The following STAC variants were observed in gnomAD, a reference collection of about 807,000 sequenced individuals.
The protein encoded by STAC is SH3 and cysteine-rich domain-containing protein.
In STAC, 43 loss-of-function variants were observed where a neutral mutation model predicts 48.8. That is an observed-to-expected ratio of 0.88 (90% confidence interval 0.69 to 1.14). STAC has a LOEUF of 1.14. Among genes scored for constraint, STAC ranks in the 50% most tolerant of loss-of-function variants. The pLI, the probability that STAC is intolerant of heterozygous loss-of-function variation, is 0.00. For synonymous variants in STAC, 193 were observed against 179.5 expected, an observed-to-expected ratio of 1.07 and a Z score of -0.60; for missense variants, 497 against 504.0, an observed-to-expected ratio of 0.99 and a Z score of 0.13.
At chr3:36,418,150 A>C (rs1457089256) in intron 1 of STAC, among the ~76,000 whole-genome samples, 1 of 151,898 alleles carries the variant, frequency 6.6e-6, no homozygotes, top group East Asian at 1.9e-4. Flanking sequence ...ATTTTTCGGT[A>C]TCTCTCCTGA....
intron 8 of STAC, among the ~76,000 whole-genome samples, chr3:36,515,155 G>A (rs1575254790): frequency 6.6e-6 from 1 of 152,190 alleles, no homozygotes; most frequent in East Asian, 1.9e-4. Flanking sequence ...CCTGAGCCTA[G>A]GATAAATGTT....
intron 1 of STAC, among the ~76,000 whole-genome samples, chr3:36,384,573 T>C (rs1699577345): frequency 6.6e-6 from 1 of 152,210 alleles, no homozygotes; most frequent in Non-Finnish European, 1.5e-5. Context: ...TTGGAATAAT[T>C]TCAATAACCA....
At chr3:36,434,704 G>C (rs949251139) in intron 1 of STAC, among the ~76,000 whole-genome samples, 1 of 152,198 alleles carries the variant, frequency 6.6e-6, no homozygotes, top group Admixed American at 6.5e-5. Flanking sequence ...TGGCAGAAAT[G>C]ATCAGGGGCA....
At chr3:36,473,046 T>C (rs1186674334) in intron 2 of STAC, among the ~76,000 whole-genome samples, 1 of 152,218 alleles carries the variant, frequency 6.6e-6, no homozygotes, top group African/African-American at 2.4e-5. Flanking sequence ...TAGTTCCACA[T>C]GGCTGGAGAA....
At chr3:36,485,524 A>G (rs1468064747) in intron 4 of STAC, among the ~76,000 whole-genome samples, 1 of 152,250 alleles carries the variant, frequency 6.6e-6, no homozygotes, top group African/African-American at 2.4e-5. Context: ...CTCAGTGAAT[A>G]TATTATTCTC....
At chr3:36,516,932 C>A (rs186111934) in intron 8 of STAC, among the ~76,000 whole-genome samples, 1 of 152,140 alleles carries the variant, frequency 6.6e-6, no homozygotes, top group Admixed American at 6.6e-5. Flanking sequence ...ATTAACACCA[C>A]CCTAAGGATA....
chr3:36,407,369 A>G (rs1230655420), intron 1 of STAC, among the ~76,000 whole-genome samples: 3 of 152,250 alleles, frequency 2.0e-5, no homozygotes, highest in Admixed American at 1.3e-4. Flanking sequence ...TCTCAGAGGT[A>G]TCATGCTTTA....
chr3:36,446,970 C>A (rs1696525193), intron 2 of STAC, among the ~76,000 whole-genome samples: 1 of 152,112 alleles, frequency 6.6e-6, no homozygotes, highest in Non-Finnish European at 1.5e-5. Context: ...AGGAAAGCAT[C>A]CCTAGAAGTA....
At chr3:36,465,716 T>C (rs1697151228) in intron 2 of STAC, among the ~76,000 whole-genome samples, 1 of 151,964 alleles carries the variant, frequency 6.6e-6, no homozygotes, top group East Asian at 1.9e-4. Flanking sequence ...CCACTCTGAG[T>C]CCCAAAACTG....
intron 10 of STAC, among the ~76,000 whole-genome samples, chr3:36,541,717 C>T (rs533118626): frequency 6.6e-6 from 1 of 152,194 alleles, no homozygotes; most frequent in African/African-American, 2.4e-5. Context: ...TGCCTGTGTC[C>T]CATACTAGGA....
chr3:36,505,610 A>G, intron 7 of STAC, 136 bp from the exon 8 acceptor site: 2 of 548,958 alleles, frequency 3.6e-6, no homozygotes, highest in Admixed American at 3.9e-5. Flanking sequence ...AAAATCTTTA[A>G]TAATGGTTAG....
chr3:36,499,847 C>T (rs1173420500), intron 6 of STAC, among the ~76,000 whole-genome samples: 1 of 151,134 alleles, frequency 6.6e-6, no homozygotes, highest in Non-Finnish European at 1.5e-5. Context: ...AAGGGGCAAC[C>T]ACAGGCAAAT....
chr3:36,495,018 A>G (rs1698102098), intron 6 of STAC, among the ~76,000 whole-genome samples: 1 of 152,116 alleles, frequency 6.6e-6, no homozygotes, highest in South Asian at 2.1e-4. Context: ...TCTCATCAAC[A>G]TCACTGCTGG....
chr3:36,514,448 C>A (rs916724108), intron 8 of STAC, among the ~76,000 whole-genome samples: 3 of 151,796 alleles, frequency 2.0e-5, no homozygotes, highest in African/African-American at 7.3e-5. Flanking sequence ...GGATTACATT[C>A]TTCTGTTATA....
At chr3:36,494,422 G>A (rs1698081953) in intron 6 of STAC, among the ~76,000 whole-genome samples, 1 of 152,186 alleles carries the variant, frequency 6.6e-6, no homozygotes, top group African/African-American at 2.4e-5. Context: ...TCCACTCCAA[G>A]CCCTGCCTTT....
intron 8 of STAC, among the ~76,000 whole-genome samples, chr3:36,517,951 T>A (rs1698715276): frequency 6.6e-6 from 1 of 152,104 alleles, no homozygotes; most frequent in Admixed American, 6.6e-5. Flanking sequence ...ACACACATTG[T>A]TAGCCAAAGC....
At chr3:36,474,996 C>CGTGT (rs369994742) in intron 2 of STAC, among the ~76,000 whole-genome samples, 2 of 151,488 alleles carry the variant, frequency 1.3e-5, no homozygotes, top group East Asian at 1.9e-4. Flanking sequence ...TGGCTTTTCT[C>CGTGT]GTGTGTGTGT....
chr3:36,451,778 T>C (rs1211818771), intron 2 of STAC, among the ~76,000 whole-genome samples: 1 of 152,256 alleles, frequency 6.6e-6, no homozygotes, highest in Non-Finnish European at 1.5e-5. Context: ...TCTTCTCTTC[T>C]AGCTGTACTT....
chr3:36,386,559 A>AGG (rs1699620928), intron 1 of STAC, among the ~76,000 whole-genome samples: 1 of 151,770 alleles, frequency 6.6e-6, no homozygotes, highest in Non-Finnish European at 1.5e-5. Flanking sequence ...TTCTATTATT[A>AGG]TTTTCTAGAA....
Sources: allele counts gnomAD v4.1 joint callset (sites outside exome capture counted in the v4.1 genomes callset), GRCh38; gene constraint gnomAD v4.1.1; transcripts MANE v1.5; gene names NCBI Gene and HGNC (gene_info 2026-07-23, HGNC 2026-07-21).